AEBP2: variants seen among roughly 807,000 people sequenced by gnomAD.
The protein encoded by AEBP2 is zinc finger protein AEBP2.
A neutral mutation model predicts 50.8 loss-of-function variants in AEBP2; 10 were observed. The observed-to-expected ratio is 0.20, with a 90% CI of 0.12 to 0.33. AEBP2 has a LOEUF of 0.33. Among genes scored for constraint, AEBP2 ranks in the 10% least tolerant of loss-of-function variants. The pLI, the probability that AEBP2 is intolerant of heterozygous loss-of-function variation, is 1.00. For synonymous variants in AEBP2, 296 were observed against 261.3 expected (o/e 1.13, Z -1.28); for missense variants, 570 against 688.0 (o/e 0.83, Z 1.92).
In AEBP2 at chr12:19,501,301, G is replaced by A. The variant is rs181060425; in HGVS notation, c.1299+1080G>A. 2.0e-4 allele frequency among the ~76,000 whole-genome samples: 28 copies of A among 143,456 alleles called. No individual in the cohort carries two copies. The Middle Eastern group carries it at 0.011, about 59-fold the overall frequency. 94.1% of individuals were successfully genotyped at this position (143,456 alleles called of 152,430 possible). A position where few individuals can be genotyped will look rare whatever the true frequency, so the allele number is the denominator to read the frequency against. ...AGCCGAGATCGCACCACTGCACTCC[G>A]ACCTAGGCAGCAAGAGCGAAACTCC... On this transcript the variant is annotated intron_variant, in intron 5 of 7. Transcript: ENST00000266508.
exon 1 of AEBP2, chr12:19,404,096 C>T (rs1342475638): frequency 1.3e-5 from 2 of 152,326 alleles, no homozygotes; most frequent in African/African-American, 4.8e-5. Context: ...ACCCTCGGTT[C>T]TGGACAACGG....
At chr12:19,511,506 C>T (rs1279332340) in intron 5 of AEBP2, among the ~76,000 whole-genome samples, 3 of 152,104 alleles carry the variant, frequency 2.0e-5, no homozygotes, top group South Asian at 2.1e-4. Flanking sequence ...CCTAAGTGCT[C>T]GGGGGAACTG....
chr12:19,513,020 GTTTT>G (rs1202693495), intron 6 of AEBP2, among the ~76,000 whole-genome samples: 1 of 151,962 alleles, frequency 6.6e-6, no homozygotes, highest in African/African-American at 2.4e-5. Context: ...TTTTGTTTTT[GTTTT>G]TTTGTTTTGT....
intron 3 of AEBP2, among the ~76,000 whole-genome samples, chr12:19,480,000 T>G (rs1948704182): frequency 6.6e-6 from 1 of 152,112 alleles, no homozygotes; most frequent in Non-Finnish European, 1.5e-5. Context: ...AGATATGAAG[T>G]ACTGTTGTAT....
At chr12:19,417,471 A>G (rs562639430) in intron 1 of AEBP2, among the ~76,000 whole-genome samples, 1 of 152,012 alleles carries the variant, frequency 6.6e-6, no homozygotes, top group African/African-American at 2.4e-5. Flanking sequence ...CAGTCATATG[A>G]TCTCGGCTCA....
chr12:19,428,835 A>G (rs1210221580), intron 1 of AEBP2, among the ~76,000 whole-genome samples: 1 of 151,948 alleles, frequency 6.6e-6, no homozygotes, highest in East Asian at 1.9e-4. Flanking sequence ...AGGAAAGAAA[A>G]TGTACTTTAA....
rs542059092 is a variant in AEBP2, at chr12:19,442,525, T to C, written c.671+2155T>C. 2.0e-5 allele frequency among the ~76,000 whole-genome samples: 3 copies of C among 152,366 alleles called. No homozygotes were observed. In the East Asian group the frequency reaches 5.8e-4, roughly 29 times the overall value. On this transcript the variant is annotated intron_variant, in intron 1 of 7. Transcript: ENST00000266508. ...ATTTAGGAAGTGGAGTTGTGGCTTTTATTTGACATTAATGAGATATTTACT... is the reference window on the plus strand; with the variant it reads ...ATTTAGGAAGTGGAGTTGTGGCTTTCATTTGACATTAATGAGATATTTACT...
In AEBP2 at chr12:19,456,720, C is replaced by T. The variant is rs1444489366; in HGVS notation, c.672-5790C>T. 4 of 1,587,908 alleles carry T rather than the reference C, an allele frequency of 2.5e-6. No individual in the cohort carries two copies. The African/African-American group carries it at 5.4e-5, about 21-fold the overall frequency. On this transcript the variant is annotated intron_variant, in intron 1 of 7. Transcript: ENST00000266508. ...CTTGACATTGAAGCCCACATTGTCC[C>T]CAGAAAGAGTTTCACTCAAAGCTTC... is the stretch of plus-strand genomic sequence containing the variant.
chr12:19,474,707 C>T (rs1948622103), intron 3 of AEBP2, among the ~76,000 whole-genome samples: 1 of 152,028 alleles, frequency 6.6e-6, no homozygotes, highest in African/African-American at 2.4e-5. Flanking sequence ...TTTCTATATA[C>T]TTGTTTTTCT....
At chr12:19,496,924 C>G (rs1013729538) in intron 4 of AEBP2, among the ~76,000 whole-genome samples, 1 of 151,532 alleles carries the variant, frequency 6.6e-6, no homozygotes, top group Non-Finnish European at 1.5e-5. Context: ...TCTCAGCCTC[C>G]CAAAGGGCTG....
intron 1 of AEBP2, among the ~76,000 whole-genome samples, chr12:19,434,047 A>G (rs553765315): frequency 5.9e-4 from 89 of 151,630 alleles, no homozygotes; most frequent in Non-Finnish European, 1.2e-3. Flanking sequence ...AGGTTTTACC[A>G]TGTTGGCCAG....
intron 3 of AEBP2, among the ~76,000 whole-genome samples, chr12:19,478,742 C>A (rs1330429028): frequency 3.9e-5 from 6 of 151,998 alleles, no homozygotes; most frequent in Non-Finnish European, 8.8e-5. Context: ...CATTCAGGAG[C>A]AGATTATTTA....
chr12:19,461,941 G>C (rs1320372974), intron 1 of AEBP2, among the ~76,000 whole-genome samples: 1 of 151,998 alleles, frequency 6.6e-6, no homozygotes, highest in Non-Finnish European at 1.5e-5. Flanking sequence ...TTGGACTTTA[G>C]AAAAATCAGA....
rs1308787694 is a variant in AEBP2, at chr12:19,521,870, A to G, written c.*3753A>G. 6.6e-6 allele frequency: 1 copy of G among 152,104 alleles called. No individual in the cohort carries two copies. The highest frequency in any genetic ancestry group is 1.5e-5 in the Non-Finnish European group (1 of 68,000). 9.4% of individuals were successfully genotyped at this position (152,104 alleles called of 1,614,324 possible). ...AAATGAGAAAATATGTATTAAAAAT[A>G]CTTGATAGAGGGTTTTCTCTTTAAT... is the stretch of plus-strand genomic sequence containing the variant. On this transcript the variant is annotated 3_prime_UTR_variant, in exon 8 of 8. Coordinates refer to ENST00000266508, the MANE Select transcript of AEBP2 (RefSeq NM_153207.5).
chr12:19,409,506 G>A (rs113514568), intron 1 of AEBP2, among the ~76,000 whole-genome samples: 3,461 of 152,278 alleles, frequency 0.023, 55 homozygotes, highest in Non-Finnish European at 0.034. Flanking sequence ...GATAAGGAAG[G>A]AAAACTGTGA....
chr12:19,504,825 C>T (rs1025928876), intron 5 of AEBP2, among the ~76,000 whole-genome samples: 2 of 152,110 alleles, frequency 1.3e-5, no homozygotes, highest in African/African-American at 2.4e-5. Flanking sequence ...GGTATCAGTA[C>T]ATTCCACTCA....
At chr12:19,468,108 C>A (rs1342016979) in intron 2 of AEBP2, among the ~76,000 whole-genome samples, 1 of 131,600 alleles carries the variant, frequency 7.6e-6, no homozygotes, top group African/African-American at 2.7e-5. Context: ...ATCATCCATC[C>A]AACCCCTCTG....
intron 1 of AEBP2, among the ~76,000 whole-genome samples, chr12:19,430,284 G>A (rs1322433890): frequency 2.0e-5 from 3 of 152,126 alleles, no homozygotes; most frequent in Non-Finnish European, 4.4e-5. Context: ...TCAGATAGTT[G>A]TAGATATGTG....
chr12:19,484,564 G>A (rs746330544), intron 3 of AEBP2, among the ~76,000 whole-genome samples: 3 of 151,804 alleles, frequency 2.0e-5, no homozygotes, highest in Non-Finnish European at 2.9e-5. Flanking sequence ...TAGTAGAAAC[G>A]GGGTTTCACC....
Sources: gnomAD v4.1 joint callset for allele counts (sites outside exome capture counted in the v4.1 genomes callset) on GRCh38, gnomAD v4.1.1 for gene constraint, MANE v1.5 for transcripts, NCBI Gene and HGNC (gene_info 2026-07-23, HGNC 2026-07-21) for gene names.